LRRC7: variants seen among roughly 807,000 people sequenced by gnomAD.
LRRC7 encodes the protein leucine-rich repeat-containing protein 7.
LRRC7 carries 23 observed loss-of-function variants against 175.7 expected under a neutral mutation model. That is an observed-to-expected ratio of 0.13 (90% confidence interval 0.09 to 0.19). The LOEUF (loss-of-function observed/expected upper bound fraction) is 0.19, where lower values mean the gene tolerates loss of function less well. Ranked by LOEUF, LRRC7 falls within the 10% of genes least tolerant of loss-of-function variation. LRRC7 has a pLI of 1.00. For missense variants in LRRC7, 1,354 were observed against 1,904.7 expected (o/e 0.71, Z 5.38); for synonymous variants, 685 against 680.9 (o/e 1.01, Z -0.09).
intron 11 of LRRC7, among the ~76,000 whole-genome samples, chr1:70,008,677 AT>A (rs1431973974): frequency 6.6e-6 from 1 of 152,168 alleles, no homozygotes; most frequent in East Asian, 1.9e-4. Flanking sequence ...TCACATTTTA[AT>A]TTCAATCTCC....
chr1:69,911,726 A>G (rs551443704), intron 7 of LRRC7, among the ~76,000 whole-genome samples: 1 of 152,196 alleles, frequency 6.6e-6, no homozygotes, highest in Admixed American at 6.5e-5. Flanking sequence ...GGCAAGTAAG[A>G]AAGGTAGTTG....
At chr1:69,849,317 A>G (rs922788490) in intron 7 of LRRC7, among the ~76,000 whole-genome samples, 3 of 152,046 alleles carry the variant, frequency 2.0e-5, no homozygotes, top group African/African-American at 4.8e-5. Flanking sequence ...CTGTAGATAA[A>G]TGAATTATTT....
chr1:69,984,522 T>C (rs1441776916), intron 9 of LRRC7, among the ~76,000 whole-genome samples: 1 of 152,080 alleles, frequency 6.6e-6, no homozygotes, highest in African/African-American at 2.4e-5. Flanking sequence ...AAACATGCCC[T>C]AAAGGAAAAG....
intron 1 of LRRC7, among the ~76,000 whole-genome samples, chr1:69,597,474 C>G (rs1358288504): frequency 6.6e-6 from 1 of 152,136 alleles, no homozygotes. Context: ...ACGGTTTTCC[C>G]ACTCTTCTAG....
At chr1:69,825,960 A>T (rs1266590299) in intron 5 of LRRC7, 134 bp downstream of exon 5, 4 of 515,702 alleles carry the variant, frequency 7.8e-6, no homozygotes, top group Non-Finnish European at 1.3e-5. Flanking sequence ...ATGATGGGAA[A>T]AATTAATCAG....
intron 1 of LRRC7, among the ~76,000 whole-genome samples, chr1:69,642,390 G>GA (rs1312516530): frequency 1.3e-5 from 2 of 151,336 alleles, no homozygotes; most frequent in Non-Finnish European, 3.0e-5. Context: ...TATTTCCCAA[G>GA]AAAAAAGGAA....
chr1:69,927,346 T>A (rs928272558), intron 7 of LRRC7, among the ~76,000 whole-genome samples: 1 of 152,332 alleles, frequency 6.6e-6, no homozygotes, highest in African/African-American at 2.4e-5. Flanking sequence ...TGAATCTGAA[T>A]GTTGGCCTGC....
chr1:69,672,632 C>T (rs1486400377), intron 1 of LRRC7, among the ~76,000 whole-genome samples: 1 of 152,154 alleles, frequency 6.6e-6, no homozygotes, highest in Non-Finnish European at 1.5e-5. Flanking sequence ...ATTCTATTAT[C>T]CCAACTCCCT....
intron 2 of LRRC7, among the ~76,000 whole-genome samples, chr1:69,738,823 A>G (rs1043837619): frequency 6.6e-6 from 1 of 151,924 alleles, no homozygotes; most frequent in African/African-American, 2.4e-5. Flanking sequence ...GACGGAGTAG[A>G]AAAAAAACTT....
chr1:69,851,008 A>G (rs1682919130), intron 7 of LRRC7, among the ~76,000 whole-genome samples: 1 of 152,174 alleles, frequency 6.6e-6, no homozygotes, highest in South Asian at 2.1e-4. Context: ...AAAGGAGCCT[A>G]TAAAAGATTA....
intron 7 of LRRC7, among the ~76,000 whole-genome samples, chr1:69,872,005 A>T (rs901004145): frequency 2.0e-5 from 3 of 151,978 alleles, no homozygotes; most frequent in African/African-American, 7.2e-5. Flanking sequence ...CACTAATTTC[A>T]GTTGTATGCA....
chr1:69,747,477 C>A (rs1326345599), intron 2 of LRRC7, among the ~76,000 whole-genome samples: 1 of 152,122 alleles, frequency 6.6e-6, no homozygotes, highest in East Asian at 1.9e-4. Flanking sequence ...GAATTGTATA[C>A]ATATTCAGAG....
intron 23 of LRRC7, among the ~76,000 whole-genome samples, chr1:70,056,169 A>G (rs575307642): frequency 1.3e-5 from 2 of 152,310 alleles, no homozygotes; most frequent in Non-Finnish European, 2.9e-5. Context: ...ACTTAGCTGG[A>G]GATTCAAATT....
intron 1 of LRRC7, among the ~76,000 whole-genome samples, chr1:69,614,680 C>T (rs543186432): frequency 1.3e-5 from 2 of 151,994 alleles, no homozygotes; most frequent in Non-Finnish European, 2.9e-5. Flanking sequence ...ATTTACTTAT[C>T]GTGGCTCTCC....
At chr1:69,987,270 A>C (rs1022270714) in intron 10 of LRRC7, among the ~76,000 whole-genome samples, 3 of 152,214 alleles carry the variant, frequency 2.0e-5, no homozygotes, top group Admixed American at 1.3e-4. Flanking sequence ...AAAAAAGTTT[A>C]TATGAGTAAA....
intron 23 of LRRC7, among the ~76,000 whole-genome samples, chr1:70,065,045 G>C (rs1661867613): frequency 6.6e-6 from 1 of 151,848 alleles, no homozygotes; most frequent in Admixed American, 6.6e-5. Context: ...GGTTGATGCT[G>C]TCACCGTTTT....
intron 1 of LRRC7, among the ~76,000 whole-genome samples, chr1:69,654,086 T>G (rs2100498646): frequency 6.6e-6 from 1 of 152,012 alleles, no homozygotes; most frequent in South Asian, 2.1e-4. Context: ...ACTTAAAAAT[T>G]TGTTAAGAAT....
rs534501939 is a variant in LRRC7, at chr1:70,042,465, A to T, written c.3970-1489A>T. ...AAGACAATTGCCTAGAGTCTTGGAC[A>T]TTGGATAAGCATAACAGTTCAACAT... On this transcript the variant is annotated intron_variant, in intron 21 of 26. Coordinates refer to ENST00000651989, the MANE Select transcript of LRRC7 (RefSeq NM_001370785.2). 2.9e-4 allele frequency among the ~76,000 whole-genome samples: 44 copies of T among 152,344 alleles called. No homozygotes were observed. The South Asian group carries it at 8.3e-3, about 29-fold the overall frequency.
intron 4 of LRRC7, among the ~76,000 whole-genome samples, chr1:69,797,539 A>C (rs1466119025): frequency 6.6e-6 from 1 of 152,136 alleles, no homozygotes; most frequent in Non-Finnish European, 1.5e-5. Flanking sequence ...TTCAACTTCC[A>C]TATCCATTTA....
Sources: allele counts gnomAD v4.1 joint callset (sites outside exome capture counted in the v4.1 genomes callset), GRCh38; gene constraint gnomAD v4.1.1; transcripts MANE v1.5; gene names NCBI Gene and HGNC (gene_info 2026-07-23, HGNC 2026-07-21).